Variants in MSH5 observed in about 807,000 individuals in gnomAD.
MSH5 encodes the protein mutS protein homolog 5.
Under a neutral mutation model 107.7 loss-of-function variants are expected in MSH5, and 78 were observed. The observed-to-expected ratio is 0.72, with a 90% CI of 0.60 to 0.87. MSH5 has a LOEUF of 0.87. Ranked by LOEUF, MSH5 falls within the 40% of genes least tolerant of loss-of-function variation. The probability of loss-of-function intolerance (pLI) is 0.00; values close to 1 mark genes in which losing one functional copy is unlikely to be tolerated. For synonymous variants in MSH5, 326 were observed against 399.5 expected, an observed-to-expected ratio of 0.82 and a Z score of 2.19; for missense variants, 889 against 1,046.6, an observed-to-expected ratio of 0.85 and a Z score of 2.08.
intron 8 of MSH5, among the ~76,000 whole-genome samples, chr6:31,744,864 C>T (rs1414069475): frequency 2.0e-5 from 3 of 151,868 alleles, no homozygotes; most frequent in Non-Finnish European, 2.9e-5. Flanking sequence ...CTGTAATCCC[C>T]GCGCTTTGGG....
chr6:31,762,344 C>T, intron 24 of MSH5, 76 bp from the exon 25 acceptor site: 3 of 1,359,970 alleles, frequency 2.2e-6, no homozygotes, highest in South Asian at 1.2e-5. Context: ...GTTTTCTGTG[C>T]CACAGCCTCT....
rs766324482 is a variant in MSH5 at position 31,760,147 on chromosome 6, TG to T, written c.1747del (p.Asp583ThrfsTer23). On this transcript the variant is annotated frameshift_variant, in exon 19 of 25. Coordinates refer to ENST00000375750, the MANE Select transcript of MSH5 (RefSeq NM_172166.4). LOFTEE classifies it high-confidence loss of function. The surrounding 1 kb of genome is among the most constrained non-coding windows in gnomAD (Gnocchi z 5.6). ...TFVPNSTECG[G>X]DKGRVKVITG... ...TTGTGCCCAACTCCACAGAATGTGGTGGGGACAAAGGGAGGGTCAAAGTCAT... is the reference window on the plus strand; with the variant it reads ...TTGTGCCCAACTCCACAGAATGTGGTGGGACAAAGGGAGGGTCAAAGTCAT... 3.2e-5 allele frequency: 52 copies of T among 1,611,488 alleles called. No homozygotes were observed. Among genetic ancestry groups the T allele is most frequent in the Non-Finnish European group, 4.3e-5 (51 of 1,178,796 alleles).
At chr6:31,744,120 T>A in intron 6 of MSH5, 70 bp from the exon 7 acceptor site, 1 of 1,593,350 alleles carries the variant, frequency 6.3e-7, no homozygotes, top group Non-Finnish European at 8.5e-7. Flanking sequence ...AAATAGTAAC[T>A]TTCCCTGGTG....
Position 31,753,552 on chromosome 6 carries a change from C to T in MSH5, c.952-15C>T, listed in dbSNP as rs759796497. The T allele has an allele frequency of 4.3e-6, 7 of 1,613,948 alleles. No homozygotes were observed. In the Admixed American group the frequency reaches 6.7e-5, roughly 15 times the overall value. ...GGGAAGAGAAAACAGCGGCTGTAAC[C>T]TTGTCTGACTGTAGCTGATTCTGAA... On this transcript the variant is annotated splice_polypyrimidine_tract_variant and intron_variant, in intron 11 of 24. Transcript: ENST00000375750.
chr6:31,747,287 C>T, intron 9 of MSH5, 100 bp from the exon 10 acceptor site: 1 of 1,302,134 alleles, frequency 7.7e-7, no homozygotes, highest in Non-Finnish European at 1.1e-6. Flanking sequence ...CCTCAACAAC[C>T]AGCACCTCTG....
Position 31,761,363 on chromosome 6 carries a change from T to C in MSH5, c.2037+101T>C. 6.2e-7 allele frequency: 1 copy of C among 1,604,106 alleles called. No individual in the cohort carries two copies. ...CTGGGCCTCTGGAATGGAATAGGGCTGTGTGGGCAGAAAAGAAATAGAACA... is the reference window on the plus strand; with the variant it reads ...CTGGGCCTCTGGAATGGAATAGGGCCGTGTGGGCAGAAAAGAAATAGAACA... On this transcript the variant is annotated intron_variant, in intron 21 of 24. Coordinates refer to ENST00000375750, the MANE Select transcript of MSH5 (RefSeq NM_172166.4). This position sits in a 1 kb window ranked among gnomAD's most constrained non-coding sequence, Gnocchi z 5.3.
rs1810877624 is a variant in MSH5 at position 31,760,326 on chromosome 6, C to A, written c.1812+110C>A. 2 of 1,405,914 alleles carry A rather than the reference C, an allele frequency of 1.4e-6. No homozygotes were observed. Among genetic ancestry groups the A allele is most frequent in the African/African-American group, 1.4e-5 (1 of 69,536 alleles). The allele number at this position is 1,405,914 out of a possible 1,614,324, so 87.1% of individuals were successfully genotyped here. ...GCTCTTCTCCCATTTTCTGACCCCGCTCTTCATGAAAGGACCATCACCCAC... is the reference window on the plus strand; with the variant it reads ...GCTCTTCTCCCATTTTCTGACCCCGATCTTCATGAAAGGACCATCACCCAC... On this transcript the variant is annotated intron_variant, in intron 19 of 24. Coordinates refer to ENST00000375750, the MANE Select transcript of MSH5 (RefSeq NM_172166.4). This position sits in a 1 kb window ranked among gnomAD's most constrained non-coding sequence, Gnocchi z 5.6.
At position 31,753,061 on chromosome 6, in the gene MSH5, G is replaced by A. The variant is rs572304634; in HGVS notation, c.813-240G>A. On this transcript the variant is annotated intron_variant, in intron 10 of 24. Transcript: ENST00000375750. Reference sequence around the variant, plus strand: ...TACTTATATACATGGAATGACACACGGTCTTATCCGTTGAAACTGTGATAT... The same window carrying A: ...TACTTATATACATGGAATGACACACAGTCTTATCCGTTGAAACTGTGATAT... Among the ~76,000 whole-genome samples the A allele has an allele frequency of 1.6e-4, 25 of 152,218 alleles. No individual in the cohort carries two copies. The South Asian group carries it at 3.3e-3, about 20-fold the overall frequency.
intron 10 of MSH5, 70 bp from the exon 11 acceptor site, chr6:31,753,231 C>A: frequency 1.3e-6 from 2 of 1,540,952 alleles, no homozygotes; most frequent in Non-Finnish European, 1.8e-6. Flanking sequence ...TGCAAGCACA[C>A]TTTTTGGCAA....
chr6:31,749,584 T>C (rs1809774266), intron 10 of MSH5, among the ~76,000 whole-genome samples: 1 of 152,044 alleles, frequency 6.6e-6, no homozygotes, highest in Non-Finnish European at 1.5e-5. Context: ...GCAATCCAAC[T>C]GTTACCCTTT....
chr6:31,742,320 C>T (rs1808991255), intron 3 of MSH5, among the ~76,000 whole-genome samples: 1 of 152,102 alleles, frequency 6.6e-6, no homozygotes, highest in Non-Finnish European at 1.5e-5. Context: ...TGTAGTGGTG[C>T]CATCTTGGCT....
intron 6 of MSH5, 41 bp from the exon 7 acceptor site, chr6:31,744,149 A>T: frequency 1.3e-6 from 2 of 1,595,956 alleles, no homozygotes; most frequent in Non-Finnish European, 1.7e-6. Context: ...CCCCCAGGAG[A>T]TTTAAGATTT....
At chr6:31,754,157 C>G (rs935757789) in intron 12 of MSH5, 8 of 140,564 alleles carry the variant, frequency 5.7e-5, no homozygotes, top group Admixed American at 3.5e-4. Context: ...ATTTCTTTTT[C>G]TTTTTTTTTT....
Position 31,740,635 on chromosome 6 carries a change from T to C in MSH5, c.147+22T>C. On this transcript the variant is annotated intron_variant, in intron 2 of 24. Transcript: ENST00000375750. The surrounding 1 kb of genome is among the most constrained non-coding windows in gnomAD (Gnocchi z 4.4). ...CGAGGTCTCTGAGGGGAGTAGAAAC[T>C]TGAATGGAGAGTTGATGGGAAGTTA... is the stretch of plus-strand genomic sequence containing the variant. 6.8e-7 allele frequency: 1 copy of C among 1,472,112 alleles called. No individual in the cohort carries two copies. The highest frequency in any genetic ancestry group is 9.0e-7 in the Non-Finnish European group (1 of 1,112,426). 91.2% of individuals were successfully genotyped at this position (1,472,112 alleles called of 1,614,324 possible). A position where few individuals can be genotyped will look rare whatever the true frequency, so the allele number is the denominator to read the frequency against.
chr6:31,748,648 C>A (rs981064453), intron 10 of MSH5, among the ~76,000 whole-genome samples: 1 of 151,626 alleles, frequency 6.6e-6, no homozygotes, highest in African/African-American at 2.4e-5. Context: ...GGCCGTCACT[C>A]CACTTTTTAA....
chr6:31,740,506 G>T lies in MSH5; in HGVS notation c.40G>T (p.Gly14Ter). Residue 14 changes from glycine (G) to a stop codon, truncating the protein, a stop_gained, in exon 2 of 25, where the codon GGA becomes TGA. Coordinates refer to ENST00000375750, the MANE Select transcript of MSH5 (RefSeq NM_172166.4). LOFTEE classifies it high-confidence loss of function. This position sits in a 1 kb window ranked among gnomAD's most constrained non-coding sequence, Gnocchi z 4.4. ...AGCGAACCCAAGGAGGACACCGCAG[G>T]GACCGAGACCTGGGGCGGCCTCCTC... Reference protein sequence around the residue: ...LGANPRRTPQGPRPGAASSGF... With the variant: ...LGANPRRTPQ 1 of 1,566,372 alleles carries T rather than the reference G, an allele frequency of 6.4e-7. No individual in the cohort carries two copies. Among genetic ancestry groups the T allele is most frequent in the East Asian group, 2.4e-5 (1 of 41,534 alleles).
Position 31,759,055 on chromosome 6 carries a change from T to G in MSH5, c.1327-42T>G. On this transcript the variant is annotated intron_variant, in intron 15 of 24. Coordinates refer to ENST00000375750, the MANE Select transcript of MSH5 (RefSeq NM_172166.4). The surrounding 1 kb of genome is among the most constrained non-coding windows in gnomAD (Gnocchi z 4.7). ...AGGGTGGGGAGGTGTCCAGTAAGTC[T>G]CCAAGCAGGAGAGTAGAGTATCTCC... The G allele has an allele frequency of 6.3e-7, 1 of 1,580,372 alleles. No individual in the cohort carries two copies. Among genetic ancestry groups the G allele is most frequent in the South Asian group, 1.1e-5 (1 of 90,420 alleles).
In MSH5 at chr6:31,740,569, G is replaced by A; in HGVS notation, c.103G>A (p.Glu35Lys). The change falls in exon 2 of 25, where the codon GAG becomes AAG. Residue 35 changes from glutamate (E) to lysine (K), a missense_variant. Physicochemically the swap from Glu to Lys is moderately conservative, Grantham distance 56. Around this residue, in one of 3 missense-constraint regions of MSH5, gnomAD observed 518 missense variants for 565.0 expected, o/e 0.92. Coordinates refer to ENST00000375750, the MANE Select transcript of MSH5 (RefSeq NM_172166.4). This position sits in a 1 kb window ranked among gnomAD's most constrained non-coding sequence, Gnocchi z 4.4. ...CCCGGCCCCAGTGCCGGGCCCCAGG[G>A]AGGCCGAGGAGGAGGAAGTCGAGGA... ...PSPAPVPGPREAEEEEVEEEE... is the reference protein window; with the variant it reads ...PSPAPVPGPRKAEEEEVEEEE... 6.6e-7 allele frequency: 1 copy of A among 1,515,490 alleles called. No homozygotes were observed. Among genetic ancestry groups the A allele is most frequent in the Non-Finnish European group, 8.8e-7 (1 of 1,134,720 alleles). 93.9% of individuals were successfully genotyped at this position (1,515,490 alleles called of 1,614,324 possible). A position where few individuals can be genotyped will look rare whatever the true frequency, so the allele number is the denominator to read the frequency against.
In MSH5 at chr6:31,762,424, C is replaced by G; in HGVS notation, c.2398C>G (p.Gln800Glu). 3 of 1,610,722 alleles carry G rather than the reference C, an allele frequency of 1.9e-6. No homozygotes were observed. The highest frequency in any genetic ancestry group is 1.7e-6 in the Non-Finnish European group (2 of 1,177,238). ...LLKKNQMENC[Q>E]TLVDKFMKLD... ...GCGATTTTCTCTCTTCTTCAGTTGC[C>G]AGACATTAGTGGATAAGTTTATGAA... The change falls in exon 25 of 25, where the codon CAG (glutamine) becomes GAG (glutamate). Residue 800 changes from glutamine (Q) to glutamate (E), a missense_variant. Gln to Glu is a conservative substitution (Grantham distance 29). Transcript: ENST00000375750.
Sources: gnomAD v4.1 joint callset for allele counts (sites outside exome capture counted in the v4.1 genomes callset) on GRCh38, gnomAD v4.1.1 for gene constraint, gnomAD v4.1.1 regional missense constraint, Gnocchi (gnomAD v3.1) non-coding constraint, MANE v1.5 for transcripts, NCBI Gene and HGNC (gene_info 2026-07-23, HGNC 2026-07-21) for gene names.